The following TUT4 variants were observed in gnomAD, a reference collection of about 807,000 sequenced individuals.
TUT4 encodes the protein terminal uridylyl transferase 4.
TUT4 carries 36 observed loss-of-function variants against 192.2 expected under a neutral mutation model. That is an observed-to-expected ratio of 0.19 (90% CI 0.14 to 0.25). TUT4 has a LOEUF of 0.25. TUT4 is among the 10% of genes least tolerant of loss of function. The pLI is 1.00. For synonymous variants in TUT4, 618 were observed against 666.0 expected, an observed-to-expected ratio of 0.93 and a Z score of 1.11; for missense variants, 1,493 against 1,957.2, an observed-to-expected ratio of 0.76 and a Z score of 4.47.
intron 22 of TUT4, 122 bp downstream of exon 22, chr1:52,446,143 T>C: frequency 3.0e-6 from 4 of 1,321,398 alleles, no homozygotes; most frequent in Non-Finnish European, 4.2e-6. Context: ...AAATTACACA[T>C]TAAAGGAGGA....
intron 15 of TUT4, among the ~76,000 whole-genome samples, chr1:52,466,246 C>T (rs1156293082): frequency 6.6e-6 from 1 of 152,128 alleles, no homozygotes; most frequent in East Asian, 1.9e-4. Context: ...ACTTTATATA[C>T]TCCTATAATC....
chr1:52,488,081 C>T (rs996656036), intron 9 of TUT4, among the ~76,000 whole-genome samples: 1 of 152,172 alleles, frequency 6.6e-6, no homozygotes, highest in Non-Finnish European at 1.5e-5. Flanking sequence ...CAACCTTAGG[C>T]TTTCTGACTG....
chr1:52,481,583 A>T lies in TUT4; in HGVS notation c.1688T>A (p.Val563Glu). The T allele has an allele frequency of 6.2e-7, 1 of 1,613,610 alleles. No individual in the cohort carries two copies. Among genetic ancestry groups the T allele is most frequent in the Non-Finnish European group, 8.5e-7 (1 of 1,179,914 alleles). ...TTCCCACTTCACAAACTTCTCTTCTACTATGCCCTTCAGCTGAAAGTCATC... is the reference window on the plus strand; with the variant it reads ...TTCCCACTTCACAAACTTCTCTTCTTCTATGCCCTTCAGCTGAAAGTCATC... The part of the protein sequence containing the change: ...RMDDFQLKGI[V>E]EEKFVKWECN... The change falls in exon 11 of 30, where the codon GTA (valine) becomes GAA (glutamate). Residue 563 changes from valine (V) to glutamate (E), a missense_variant. Around this residue, in one of 7 missense-constraint regions of TUT4, gnomAD observed 437 missense variants for 577.6 expected, o/e 0.76. Coordinates refer to ENST00000257177, the MANE Select transcript of TUT4 (RefSeq NM_001009881.3).
rs1453189744 is a variant in TUT4, at chr1:52,461,292, A to G, written c.3232-69T>C. On this transcript the variant is annotated intron_variant, in intron 18 of 29. Coordinates refer to ENST00000257177, the MANE Select transcript of TUT4 (RefSeq NM_001009881.3). ...AATTAAACTACAAATCAGATTTAAA[A>G]GTAAAATACACTCCAAATACAAAAT... is the stretch of plus-strand genomic sequence containing the variant. 18 of 1,408,626 alleles carry G rather than the reference A, an allele frequency of 1.3e-5. No individual in the cohort carries two copies. In the Admixed American group the frequency reaches 3.7e-4, roughly 29 times the overall value. 87.3% of individuals were successfully genotyped at this position (1,408,626 alleles called of 1,614,324 possible). A position where few individuals can be genotyped will look rare whatever the true frequency, so the allele number is the denominator to read the frequency against.
chr1:52,448,824 A>G (rs1189559157), intron 20 of TUT4, among the ~76,000 whole-genome samples: 1 of 152,170 alleles, frequency 6.6e-6, no homozygotes, highest in African/African-American at 2.4e-5. Context: ...GATAATTCAT[A>G]CTTCTGAGTA....
At chr1:52,502,131 A>G (rs1019033311) in intron 4 of TUT4, among the ~76,000 whole-genome samples, 1 of 148,986 alleles carries the variant, frequency 6.7e-6, no homozygotes, top group Non-Finnish European at 1.5e-5. Flanking sequence ...ATTTTACCAC[A>G]ATAAAAAAAT....
At chr1:52,460,318 C>A (rs1241423078) in intron 19 of TUT4, among the ~76,000 whole-genome samples, 1 of 152,084 alleles carries the variant, frequency 6.6e-6, no homozygotes, top group Admixed American at 6.6e-5. Context: ...CCCGTCTCTA[C>A]TAAAAATACA....
chr1:52,429,222 T>G (rs1651138172), intron 28 of TUT4, among the ~76,000 whole-genome samples: 1 of 151,448 alleles, frequency 6.6e-6, no homozygotes, highest in South Asian at 2.1e-4. Flanking sequence ...TAGCTGGGAC[T>G]ACAGGCGCCC....
chr1:52,446,132 A>G, intron 22 of TUT4, 128 bp from the exon 23 acceptor site: 1 of 1,302,814 alleles, frequency 7.7e-7, no homozygotes, highest in South Asian at 1.4e-5. Context: ...CTCTTCCTCT[A>G]AAATTACACA....
intron 25 of TUT4, among the ~76,000 whole-genome samples, chr1:52,437,941 C>T (rs553565536): frequency 4.8e-4 from 73 of 151,130 alleles, no homozygotes; most frequent in African/African-American, 1.5e-3. Flanking sequence ...GGCGACAGGG[C>T]GAGATGCCGT....
At chr1:52,446,723 C>A in intron 20 of TUT4, 56 bp from the exon 21 acceptor site, 1 of 1,294,768 alleles carries the variant, frequency 7.7e-7, no homozygotes, top group Non-Finnish European at 1.1e-6. Context: ...CCCAAAGGTC[C>A]AAATACTCTA....
At position 52,463,416 on chromosome 1, in the gene TUT4, ACTT is replaced by A. The variant is rs1663162311; in HGVS notation, c.3070-1650_3070-1648del. On this transcript the variant is annotated intron_variant, in intron 16 of 29. Transcript: ENST00000257177. The stretch of plus-strand genomic sequence containing the variant: ...ACAAGATGTTAAGACACCAGAAGCA[ACTT>A]CTTATGGCCAGAAGTTAAGTCATCA... The A allele has an allele frequency of 9.9e-6, 10 of 1,013,992 alleles. No individual in the cohort carries two copies. The South Asian group carries it at 3.4e-4, about 35-fold the overall frequency. 62.8% of individuals were successfully genotyped at this position (1,013,992 alleles called of 1,614,324 possible). A position where few individuals can be genotyped will look rare whatever the true frequency, so the allele number is the denominator to read the frequency against.
intron 1 of TUT4, among the ~76,000 whole-genome samples, chr1:52,527,656 T>C (rs930396822): frequency 6.6e-6 from 1 of 152,196 alleles, no homozygotes; most frequent in Non-Finnish European, 1.5e-5. Context: ...ATTACACATT[T>C]GTATAATGAT....
chr1:52,431,826 C>T (rs1188314179), intron 27 of TUT4: 1 of 160,244 alleles, frequency 6.2e-6, no homozygotes, highest in African/African-American at 2.4e-5. Context: ...AAATGTAATA[C>T]CAACATGTAT....
rs1648724120 is a variant in TUT4, at chr1:52,423,325, T to G, written c.*610A>C. 6.5e-6 allele frequency: 1 copy of G among 153,126 alleles called. No homozygotes were observed. The highest frequency in any genetic ancestry group is 2.4e-5 in the African/African-American group (1 of 41,444). 9.5% of individuals were successfully genotyped at this position (153,126 alleles called of 1,614,324 possible). On this transcript the variant is annotated 3_prime_UTR_variant, in exon 30 of 30. Transcript: ENST00000257177. ...TAACTTAAAATAGAAGTACTTCAAA[T>G]ACAGACAAAATCAACTTTCCATTCA...
At chr1:52,427,861 C>G (rs763840138) in intron 28 of TUT4, among the ~76,000 whole-genome samples, 2 of 152,206 alleles carry the variant, frequency 1.3e-5, no homozygotes, top group African/African-American at 2.4e-5. Flanking sequence ...TACAACCAGA[C>G]AGTAAGTTCC....
intron 2 of TUT4, among the ~76,000 whole-genome samples, chr1:52,522,976 C>T (rs1173408888): frequency 6.8e-6 from 1 of 146,474 alleles, no homozygotes; most frequent in African/African-American, 2.5e-5. Flanking sequence ...AATAACAAGA[C>T]CCTTAACTAT....
At chr1:52,524,944 C>T (rs1681321972) in intron 2 of TUT4, among the ~76,000 whole-genome samples, 2 of 152,232 alleles carry the variant, frequency 1.3e-5, no homozygotes, top group Non-Finnish European at 2.9e-5. Context: ...TCAACCTCAA[C>T]TTTCTGCTCC....
chr1:52,520,468 A>G (rs903393387), intron 2 of TUT4, among the ~76,000 whole-genome samples: 5 of 152,226 alleles, frequency 3.3e-5, no homozygotes, highest in Non-Finnish European at 7.3e-5. Context: ...TTGGGAGCTT[A>G]TTAGAAATCC....
Sources: allele counts gnomAD v4.1 joint callset (sites outside exome capture counted in the v4.1 genomes callset), GRCh38; gene constraint gnomAD v4.1.1; regional missense constraint gnomAD v4.1.1; transcripts MANE v1.5; gene names NCBI Gene and HGNC (gene_info 2026-07-23, HGNC 2026-07-21).